The following CACNA1D variants were observed in gnomAD, a reference collection of about 807,000 sequenced individuals.
The protein encoded by CACNA1D is calcium voltage-gated channel subunit alpha1 D.
CACNA1D carries 55 observed loss-of-function variants against 257.1 expected under a neutral mutation model. The observed-to-expected ratio is 0.21, with a 90% CI of 0.17 to 0.27. The LOEUF (loss-of-function observed/expected upper bound fraction) is 0.27, where lower values mean the gene tolerates loss of function less well. Among genes scored for constraint, CACNA1D ranks in the 10% least tolerant of loss-of-function variants. The probability of loss-of-function intolerance (pLI) is 1.00; values close to 1 mark genes in which losing one functional copy is unlikely to be tolerated. For missense variants in CACNA1D, 1,876 were observed against 2,784.0 expected (o/e 0.67, Z 7.34); for synonymous variants, 980 against 1,014.9 (o/e 0.97, Z 0.65).
At chr3:53,791,317 A>T (rs773830936) in intron 40 of CACNA1D, 6 of 339,760 alleles carry the variant, frequency 1.8e-5, no homozygotes, top group Non-Finnish European at 3.2e-5. Context: ...ACTCAGAGAA[A>T]GGGAAAGAGT....
intron 3 of CACNA1D, among the ~76,000 whole-genome samples, chr3:53,604,368 A>G (rs1388143932): frequency 6.6e-6 from 1 of 152,228 alleles, no homozygotes; most frequent in African/African-American, 2.4e-5. Context: ...GGAGCTCAGT[A>G]GATAGCCATT....
intron 39 of CACNA1D, chr3:53,782,501 A>G (rs2095431651): frequency 6.6e-6 from 1 of 151,926 alleles, no homozygotes; most frequent in Non-Finnish European, 1.5e-5. Context: ...CGCTGCCGCC[A>G]CGGCTTTCGA....
intron 3 of CACNA1D, among the ~76,000 whole-genome samples, chr3:53,614,686 G>T (rs1260240129): frequency 1.3e-5 from 2 of 152,220 alleles, no homozygotes; most frequent in African/African-American, 4.8e-5. Context: ...GAGGTAATCA[G>T]TGTATAACTG....
At chr3:53,625,459 T>C (rs1352023181) in intron 3 of CACNA1D, among the ~76,000 whole-genome samples, 1 of 152,218 alleles carries the variant, frequency 6.6e-6, no homozygotes, top group East Asian at 1.9e-4. Context: ...GTGTTCTTGC[T>C]CTACTGAGTA....
chr3:53,725,827 T>C (rs1398006205), intron 14 of CACNA1D, among the ~76,000 whole-genome samples: 1 of 152,200 alleles, frequency 6.6e-6, no homozygotes, highest in African/African-American at 2.4e-5. Context: ...CTAGTTCAGA[T>C]TGAAGATAAA....
At chr3:53,505,051 T>C (rs1014057346) in intron 3 of CACNA1D, among the ~76,000 whole-genome samples, 10 of 151,860 alleles carry the variant, frequency 6.6e-5, no homozygotes, top group African/African-American at 2.4e-4. Flanking sequence ...CCATGGCCCA[T>C]GTCTCTCTAT....
chr3:53,783,783 A>T (rs2095438622), intron 39 of CACNA1D, among the ~76,000 whole-genome samples: 1 of 152,206 alleles, frequency 6.6e-6, no homozygotes, highest in Non-Finnish European at 1.5e-5. Context: ...CCATGTCCCC[A>T]ACCTTTCCTG....
intron 9 of CACNA1D, among the ~76,000 whole-genome samples, chr3:53,711,417 C>T (rs1439108810): frequency 6.6e-6 from 1 of 152,216 alleles, no homozygotes; most frequent in African/African-American, 2.4e-5. Flanking sequence ...TCAGGCCCAT[C>T]CCCAGGCAGA....
intron 4 of CACNA1D, among the ~76,000 whole-genome samples, chr3:53,659,189 CT>C: frequency 6.6e-6 from 1 of 152,320 alleles, no homozygotes; most frequent in East Asian, 1.9e-4. Flanking sequence ...GCAAAAGTCA[CT>C]GTTAAATGAG....
At chr3:53,683,102 G>A (rs2108478610) in intron 8 of CACNA1D, among the ~76,000 whole-genome samples, 1 of 152,260 alleles carries the variant, frequency 6.6e-6, no homozygotes, top group Non-Finnish European at 1.5e-5. Flanking sequence ...GCAGAGTATG[G>A]GTGAGAAGTA....
rs150918249 is a variant in CACNA1D, at chr3:53,557,260, C to T, written c.483+55540C>T. ...GCTGTAATCCCAGCACTTGGGAGTC[C>T]GAGGAGGGCGGGTCACCTGAGGTCG... On this transcript the variant is annotated intron_variant, in intron 3 of 47. Transcript: ENST00000350061. 4.4e-3 allele frequency among the ~76,000 whole-genome samples: 671 copies of T among 152,094 alleles called. 2 individuals carry two copies. Among genetic ancestry groups the T allele is most frequent in the African/African-American group, 0.015 (614 of 41,484 alleles).
intron 3 of CACNA1D, among the ~76,000 whole-genome samples, chr3:53,622,803 G>C (rs186846345): frequency 6.6e-6 from 1 of 151,994 alleles, no homozygotes; most frequent in Non-Finnish European, 1.5e-5. Context: ...AACAAATTAT[G>C]ATATATTCAT....
intron 30 of CACNA1D, chr3:53,766,313 CA>C (rs1325774078): frequency 6.6e-6 from 1 of 152,214 alleles, no homozygotes; most frequent in East Asian, 1.9e-4. Context: ...CTCAGCTGGG[CA>C]CTGGGTTGTG....
intron 3 of CACNA1D, among the ~76,000 whole-genome samples, chr3:53,557,890 C>CA (rs2107619828): frequency 6.6e-6 from 1 of 152,214 alleles, no homozygotes; most frequent in African/African-American, 2.4e-5. Context: ...TGACTTCTAC[C>CA]AAAAAAGCCT....
intron 8 of CACNA1D, among the ~76,000 whole-genome samples, chr3:53,699,172 G>T (rs2108570839): frequency 6.6e-6 from 1 of 152,292 alleles, no homozygotes; most frequent in Admixed American, 6.5e-5. Context: ...GATTGGCAGT[G>T]GGTTTGCCAG....
chr3:53,580,668 G>A (rs1308806776), intron 3 of CACNA1D, among the ~76,000 whole-genome samples: 2 of 152,240 alleles, frequency 1.3e-5, no homozygotes, highest in African/African-American at 2.4e-5. Context: ...AAAGACCTGT[G>A]AAGGCGGAGA....
At chr3:53,646,512 A>G (rs1295353099) in intron 3 of CACNA1D, among the ~76,000 whole-genome samples, 1 of 152,104 alleles carries the variant, frequency 6.6e-6, no homozygotes, top group Non-Finnish European at 1.5e-5. Context: ...AGTAGCACCT[A>G]TGAGTGCCTT....
At chr3:53,510,903 G>A (rs1453647564) in intron 3 of CACNA1D, among the ~76,000 whole-genome samples, 1 of 152,106 alleles carries the variant, frequency 6.6e-6, no homozygotes, top group East Asian at 1.9e-4. Context: ...ACTTATTCTT[G>A]TCTCCCTTGC....
At chr3:53,647,554 C>G (rs1269791652) in intron 3 of CACNA1D, among the ~76,000 whole-genome samples, 1 of 152,240 alleles carries the variant, frequency 6.6e-6, no homozygotes, top group East Asian at 1.9e-4. Context: ...GCTGGGCCCA[C>G]AGTCCCACCT....
Sources: gnomAD v4.1 joint callset for allele counts (sites outside exome capture counted in the v4.1 genomes callset) on GRCh38, gnomAD v4.1.1 for gene constraint, MANE v1.5 for transcripts, NCBI Gene and HGNC (gene_info 2026-07-23, HGNC 2026-07-21) for gene names.